The following RERE variants were observed in gnomAD, a reference collection of about 807,000 sequenced individuals.
RERE encodes the protein arginine-glutamic acid dipeptide repeats protein.
In RERE, 40 loss-of-function variants were observed where a neutral mutation model predicts 146.1. The observed-to-expected ratio is 0.27, with a 90% CI of 0.21 to 0.36. The LOEUF is 0.36. Ranked by LOEUF, RERE falls within the 10% of genes least tolerant of loss-of-function variation. The pLI is 1.00. For synonymous variants in RERE, 1,003 were observed against 866.0 expected (o/e 1.16, Z -2.78); for missense variants, 1,933 against 2,138.7 (o/e 0.90, Z 1.90).
intron 1 of RERE, among the ~76,000 whole-genome samples, chr1:8,700,722 T>A (rs1025257448): frequency 4.6e-5 from 7 of 152,154 alleles, no homozygotes; most frequent in Non-Finnish European, 8.8e-5. Flanking sequence ...TACAAACTAA[T>A]CCTAGACTAG....
intron 11 of RERE, among the ~76,000 whole-genome samples, chr1:8,444,437 G>A (rs1644291905): frequency 6.6e-6 from 1 of 152,196 alleles, no homozygotes; most frequent in South Asian, 2.1e-4. Context: ...CCTTGTCTCA[G>A]ATAAGACTTA....
At chr1:8,576,437 G>C (rs1646295596) in intron 4 of RERE, among the ~76,000 whole-genome samples, 1 of 152,102 alleles carries the variant, frequency 6.6e-6, no homozygotes, top group Non-Finnish European at 1.5e-5. Flanking sequence ...GTTAATGCCA[G>C]CCAGTTAAAA....
At chr1:8,529,647 T>C (rs1423187322) in intron 7 of RERE, among the ~76,000 whole-genome samples, 1 of 151,816 alleles carries the variant, frequency 6.6e-6, no homozygotes, top group Non-Finnish European at 1.5e-5. Flanking sequence ...CAAGGGGCAA[T>C]GAATGACCTG....
At chr1:8,792,161 C>A (rs1641375700) in intron 1 of RERE, among the ~76,000 whole-genome samples, 1 of 151,816 alleles carries the variant, frequency 6.6e-6, no homozygotes. Flanking sequence ...TTAATGAAGC[C>A]CAAGTTATAA....
intron 4 of RERE, among the ~76,000 whole-genome samples, chr1:8,603,579 T>C (rs964527635): frequency 6.6e-6 from 1 of 152,246 alleles, no homozygotes; most frequent in East Asian, 1.9e-4. Flanking sequence ...AATTAATTTA[T>C]AAACTGCCTT....
chr1:8,545,980 G>GTTTT (rs1480930167), intron 6 of RERE, among the ~76,000 whole-genome samples: 2 of 75,374 alleles, frequency 2.7e-5, no homozygotes, highest in African/African-American at 5.9e-5. Context: ...ACCATACCCA[G>GTTTT]TCTTTTTTTT....
intron 1 of RERE, among the ~76,000 whole-genome samples, chr1:8,776,051 T>C (rs1321748144): frequency 6.6e-6 from 1 of 152,228 alleles, no homozygotes; most frequent in Non-Finnish European, 1.5e-5. Context: ...ACTGAAAACA[T>C]GGTTAATAAT....
At chr1:8,633,482 T>G (rs1006429780) in intron 2 of RERE, among the ~76,000 whole-genome samples, 2 of 151,308 alleles carry the variant, frequency 1.3e-5, no homozygotes, top group African/African-American at 4.9e-5. Flanking sequence ...CACACAAAAA[T>G]GTACTTCTGA....
intron 12 of RERE, among the ~76,000 whole-genome samples, chr1:8,380,319 C>G (rs1642402196): frequency 6.7e-6 from 1 of 150,338 alleles, no homozygotes; most frequent in African/African-American, 2.5e-5. Flanking sequence ...GTCCCAGACA[C>G]AACTCCCAAA....
At chr1:8,428,665 C>T (rs771990779) in intron 11 of RERE, 1 of 151,926 alleles carries the variant, frequency 6.6e-6, no homozygotes, top group Non-Finnish European at 1.5e-5. Context: ...ATTTTCGCTA[C>T]AGTGGAAAGA....
chr1:8,495,213 G>A, intron 9 of RERE, 51 bp from the exon 10 acceptor site: 1 of 1,353,780 alleles, frequency 7.4e-7, no homozygotes, highest in South Asian at 1.2e-5. Context: ...TATCAGGACA[G>A]AGACTTAGAC....
intron 4 of RERE, among the ~76,000 whole-genome samples, chr1:8,597,117 T>G (rs1057095350): frequency 3.5e-4 from 52 of 150,552 alleles, no homozygotes; most frequent in Non-Finnish European, 5.9e-5. Context: ...AGACAGGGAC[T>G]TCCTTTGTCA....
intron 7 of RERE, among the ~76,000 whole-genome samples, chr1:8,513,781 AAAAACAAAAC>A (rs538711005): frequency 1.3e-5 from 2 of 152,182 alleles, no homozygotes; most frequent in Non-Finnish European, 2.9e-5. Flanking sequence ...ACTCTGTCTC[AAAAACAAAAC>A]AAAACAAAAC....
intron 10 of RERE, among the ~76,000 whole-genome samples, chr1:8,469,825 G>T (rs1439321011): frequency 2.6e-5 from 4 of 152,180 alleles, no homozygotes; most frequent in African/African-American, 7.2e-5. Context: ...TGCTTCCACT[G>T]AAGTGTTGAA....
chr1:8,355,376 G>T, intron 22 of RERE, 43 bp downstream of exon 22: 1 of 1,595,902 alleles, frequency 6.3e-7, no homozygotes. Context: ...TGGGAGCCTG[G>T]GCTCAGATAA....
intron 4 of RERE, among the ~76,000 whole-genome samples, chr1:8,585,119 C>T (rs1323562372): frequency 1.4e-5 from 2 of 144,442 alleles, no homozygotes; most frequent in African/African-American, 5.3e-5. Context: ...TGCACTCCAG[C>T]CTGGGCAACG....
At chr1:8,789,555 C>T (rs2124572492) in intron 1 of RERE, among the ~76,000 whole-genome samples, 1 of 151,986 alleles carries the variant, frequency 6.6e-6, no homozygotes, top group African/African-American at 2.4e-5. Flanking sequence ...GCCAAAATTA[C>T]TCAGACAGAG....
rs942028031 is a variant in RERE at position 8,556,545 on chromosome 1, C to G, written c.655G>C (p.Asp219His). 6.2e-7 allele frequency: 1 copy of G among 1,608,240 alleles called. No individual in the cohort carries two copies. Among genetic ancestry groups the G allele is most frequent in the South Asian group, 1.1e-5 (1 of 90,950 alleles). Reference sequence around the variant, plus strand: ...AGCTCTCGGTTCTTGATAACTGGGTCTGTAATGACAAGTTCTCTTCCAGAG... The same window carrying G: ...AGCTCTCGGTTCTTGATAACTGGGTGTGTAATGACAAGTTCTCTTCCAGAG... ...NDSGRELVIT[D>H]PVIKNRELFI... The change falls in exon 6 of 23, where the codon GAC becomes CAC. Residue 219 changes from aspartate to histidine, a missense_variant. By Grantham distance (81) the Asp-to-His change is moderately conservative (BLOSUM62 -1). Around this residue, in one of 11 missense-constraint regions of RERE, gnomAD observed 37 missense variants for 46.6 expected, o/e 0.79. Transcript: ENST00000400908.
intron 7 of RERE, among the ~76,000 whole-genome samples, chr1:8,517,208 G>T (rs1315822000): frequency 1.3e-5 from 2 of 152,120 alleles, no homozygotes; most frequent in Non-Finnish European, 2.9e-5. Context: ...TCAAATGAAG[G>T]GGGGGATATA....
Sources: allele counts gnomAD v4.1 joint callset (sites outside exome capture counted in the v4.1 genomes callset), GRCh38; gene constraint gnomAD v4.1.1; regional missense constraint gnomAD v4.1.1; transcripts MANE v1.5; gene names NCBI Gene and HGNC (gene_info 2026-07-23, HGNC 2026-07-21).